The following THRB variants were observed in gnomAD, a reference collection of about 807,000 sequenced individuals.
THRB encodes thyroid hormone receptor beta.
A neutral mutation model predicts 47.8 loss-of-function variants in THRB; 12 were observed. The ratio of observed to expected loss-of-function variants is 0.25; its 90% CI spans 0.16 to 0.41. THRB has a LOEUF of 0.41. THRB is among the 10% of genes least tolerant of loss of function. The probability of loss-of-function intolerance (pLI) is 1.00; values close to 1 mark genes in which losing one functional copy is unlikely to be tolerated. For missense variants in THRB, 348 were observed against 589.2 expected (o/e 0.59, Z 4.24); for synonymous variants, 218 against 212.2 (o/e 1.03, Z -0.24).
chr3:24,490,447 C>T (rs1697967725), intron 1 of THRB, among the ~76,000 whole-genome samples: 1 of 152,164 alleles, frequency 6.6e-6, no homozygotes, highest in African/African-American at 2.4e-5. Context: ...GCCTTTTCTA[C>T]CCTTCCATTC....
At chr3:24,280,442 AC>A (rs1174049836) in intron 3 of THRB, among the ~76,000 whole-genome samples, 1 of 152,164 alleles carries the variant, frequency 6.6e-6, no homozygotes, top group Non-Finnish European at 1.5e-5. Flanking sequence ...TCTGTACATC[AC>A]CATCATCAAA....
intron 4 of THRB, among the ~76,000 whole-genome samples, chr3:24,206,635 C>T (rs1210041373): frequency 6.6e-6 from 1 of 152,022 alleles, no homozygotes; most frequent in Non-Finnish European, 1.5e-5. Context: ...TAGCAGAAGG[C>T]AAGAAATAAC....
At chr3:24,200,796 G>A (rs182748264) in intron 4 of THRB, among the ~76,000 whole-genome samples, 2 of 152,304 alleles carry the variant, frequency 1.3e-5, no homozygotes, top group African/African-American at 2.4e-5. Context: ...AGCATGCACA[G>A]CTATCTTCTT....
chr3:24,165,101 C>A, intron 5 of THRB: 1 of 765,074 alleles, frequency 1.3e-6, no homozygotes, highest in South Asian at 1.3e-5. Context: ...TTCAGGTTGG[C>A]TGTATTGATT....
chr3:24,408,690 T>C (rs902401785), intron 1 of THRB, among the ~76,000 whole-genome samples: 1 of 151,838 alleles, frequency 6.6e-6, no homozygotes, highest in African/African-American at 2.4e-5. Context: ...GAGGTGTGTA[T>C]TTGTAAACAT....
At chr3:24,351,987 G>C (rs1321080437) in intron 1 of THRB, among the ~76,000 whole-genome samples, 1 of 152,136 alleles carries the variant, frequency 6.6e-6, no homozygotes. Context: ...GGAACAAAGG[G>C]TTCTGCAACT....
intron 3 of THRB, among the ~76,000 whole-genome samples, chr3:24,247,749 G>A (rs950068632): frequency 2.0e-5 from 3 of 152,092 alleles, no homozygotes; most frequent in Non-Finnish European, 2.9e-5. Context: ...TATGCCTCCT[G>A]ACCCCAAATC....
At chr3:24,391,216 T>C (rs983474814) in intron 1 of THRB, among the ~76,000 whole-genome samples, 1 of 152,150 alleles carries the variant, frequency 6.6e-6, no homozygotes, top group African/African-American at 2.4e-5. Context: ...ATGGAACATT[T>C]AGCCACTGTT....
intron 2 of THRB, among the ~76,000 whole-genome samples, chr3:24,313,696 G>A (rs1329424483): frequency 2.0e-5 from 3 of 151,814 alleles, no homozygotes; most frequent in Non-Finnish European, 4.4e-5. Context: ...AATAGAAATT[G>A]AGGATAAGTT....
chr3:24,311,276 A>C (rs1009990348), intron 2 of THRB, among the ~76,000 whole-genome samples: 1 of 152,190 alleles, frequency 6.6e-6, no homozygotes, highest in Non-Finnish European at 1.5e-5. Flanking sequence ...GGAGTTGGAA[A>C]GGCTTTGCAG....
At chr3:24,164,334 G>A (rs1446583694) in intron 5 of THRB, among the ~76,000 whole-genome samples, 1 of 152,158 alleles carries the variant, frequency 6.6e-6, no homozygotes, top group African/African-American at 2.4e-5. Context: ...CTATTTTGAA[G>A]TGTGTTTCAC....
At chr3:24,204,072 C>A (rs2044966428) in intron 4 of THRB, among the ~76,000 whole-genome samples, 1 of 152,256 alleles carries the variant, frequency 6.6e-6, no homozygotes, top group South Asian at 2.1e-4. Flanking sequence ...GTAGACTCTA[C>A]CTCTGGGGGC....
At chr3:24,394,023 A>G (rs1177942788) in intron 1 of THRB, among the ~76,000 whole-genome samples, 1 of 152,128 alleles carries the variant, frequency 6.6e-6, no homozygotes, top group Non-Finnish European at 1.5e-5. Flanking sequence ...TAATCCCACA[A>G]TGATCTTCAA....
In THRB at chr3:24,157,934, A is replaced by G. The variant is rs114811291; in HGVS notation, c.284-5444T>C. On this transcript the variant is annotated intron_variant, in intron 5 of 10. Transcript: ENST00000646209. ...GCCGTCCCTGTACATTCAGATCCTTAATAGCTGACATAACCTTTCAATCTA... is the reference window on the plus strand; with the variant it reads ...GCCGTCCCTGTACATTCAGATCCTTGATAGCTGACATAACCTTTCAATCTA... Among the ~76,000 whole-genome samples, 1,192 of 152,318 alleles carry G rather than the reference A, an allele frequency of 7.8e-3. 7 individuals carry two copies. The highest frequency in any genetic ancestry group is 0.012 in the Non-Finnish European group (821 of 68,022).
intron 2 of THRB, among the ~76,000 whole-genome samples, chr3:24,331,983 T>A (rs2061958102): frequency 6.6e-6 from 1 of 152,192 alleles, no homozygotes. Context: ...TGCCTAATTG[T>A]GACCAAGTCT....
intron 9 of THRB, 81 bp from the exon 10 acceptor site, chr3:24,127,838 T>C (rs2033151927): frequency 1.4e-6 from 2 of 1,455,094 alleles, no homozygotes; most frequent in East Asian, 2.3e-5. Flanking sequence ...TTAAAAGCAA[T>C]AGGAATAACC....
chr3:24,333,206 A>G (rs2062035222), intron 2 of THRB, among the ~76,000 whole-genome samples: 1 of 152,240 alleles, frequency 6.6e-6, no homozygotes. Flanking sequence ...TACTGTTTAA[A>G]AAAAAGTGGA....
chr3:24,326,304 C>T (rs541990693), intron 2 of THRB, among the ~76,000 whole-genome samples: 1 of 152,272 alleles, frequency 6.6e-6, no homozygotes, highest in East Asian at 1.9e-4. Context: ...GGCACAGTCT[C>T]GGCTCACTGC....
intron 8 of THRB, among the ~76,000 whole-genome samples, chr3:24,136,182 C>T (rs2034650723): frequency 6.6e-6 from 1 of 152,056 alleles, no homozygotes. Flanking sequence ...ACTAAACCCC[C>T]AAATGTAACA....
Sources: allele counts gnomAD v4.1 joint callset (sites outside exome capture counted in the v4.1 genomes callset), GRCh38; gene constraint gnomAD v4.1.1; transcripts MANE v1.5; gene names NCBI Gene and HGNC (gene_info 2026-07-23, HGNC 2026-07-21).